The following CCDC178 variants were observed in gnomAD, a reference collection of about 807,000 sequenced individuals.
The protein encoded by CCDC178 is coiled-coil domain-containing protein 178.
Under a neutral mutation model 117.4 loss-of-function variants are expected in CCDC178, and 126 were observed. The ratio of observed to expected loss-of-function variants is 1.07; its 90% confidence interval spans 0.93 to 1.24. The LOEUF (loss-of-function observed/expected upper bound fraction) is 1.24. Among genes scored for constraint, CCDC178 ranks in the 50% most tolerant of loss-of-function variants. The pLI, the probability that CCDC178 is intolerant of heterozygous loss-of-function variation, is 0.00. For missense variants in CCDC178, 1,030 were observed against 986.9 expected (o/e 1.04, Z -0.59); for synonymous variants, 283 against 313.4 (o/e 0.90, Z 1.02).
chr18:33,343,119 T>TC (rs1230963187), intron 9 of CCDC178, among the ~76,000 whole-genome samples: 34 of 152,200 alleles, frequency 2.2e-4, no homozygotes, highest in Admixed American at 1.8e-3. Context: ...ATTTTTTTTT[T>TC]CCTCTTTCAT....
intron 20 of CCDC178, among the ~76,000 whole-genome samples, chr18:33,209,318 T>G (rs928962330): frequency 6.6e-6 from 1 of 152,036 alleles, no homozygotes; most frequent in African/African-American, 2.4e-5. Context: ...AGTTTGTGTA[T>G]ATTTTCTTAC....
chr18:33,032,591 AT>A (rs2056364175), intron 21 of CCDC178, among the ~76,000 whole-genome samples: 1 of 152,102 alleles, frequency 6.6e-6, no homozygotes, highest in Admixed American at 6.6e-5. Flanking sequence ...AGGTGCTAGT[AT>A]AGGTTGTTAG....
At chr18:33,310,734 A>T (rs535799382) in intron 11 of CCDC178, among the ~76,000 whole-genome samples, 1 of 152,328 alleles carries the variant, frequency 6.6e-6, no homozygotes, top group Non-Finnish European at 1.5e-5. Context: ...CCTATGTTAA[A>T]ATAATATTTT....
chr18:33,178,329 C>A (rs1404196078), intron 20 of CCDC178, among the ~76,000 whole-genome samples: 1 of 152,122 alleles, frequency 6.6e-6, no homozygotes, highest in Non-Finnish European at 1.5e-5. Flanking sequence ...CATTAATTTT[C>A]TCTCAAAATG....
chr18:33,341,813 T>A (rs2062820920), intron 9 of CCDC178, among the ~76,000 whole-genome samples: 1 of 152,170 alleles, frequency 6.6e-6, no homozygotes, highest in African/African-American at 2.4e-5. Context: ...CTCAGGTATG[T>A]CTTTATCAGC....
intron 21 of CCDC178, among the ~76,000 whole-genome samples, chr18:33,031,389 G>A (rs1166210509): frequency 6.6e-6 from 1 of 151,702 alleles, no homozygotes; most frequent in Non-Finnish European, 1.5e-5. Flanking sequence ...TAGGAATACA[G>A]GTGCATACCC....
At chr18:32,970,537 A>G (rs1436392279) in intron 22 of CCDC178, among the ~76,000 whole-genome samples, 1 of 152,018 alleles carries the variant, frequency 6.6e-6, no homozygotes, top group East Asian at 1.9e-4. Flanking sequence ...CAGGAAAATG[A>G]AAACCAATAG....
chr18:33,171,628 C>T (rs1006253299), intron 20 of CCDC178, among the ~76,000 whole-genome samples: 1 of 152,144 alleles, frequency 6.6e-6, no homozygotes, highest in Admixed American at 6.6e-5. Context: ...ATTGCCTGTG[C>T]TGTAAATTAT....
chr18:33,085,559 T>C (rs2057367619), intron 21 of CCDC178, among the ~76,000 whole-genome samples: 1 of 152,018 alleles, frequency 6.6e-6, no homozygotes, highest in African/African-American at 2.4e-5. Context: ...AGAGATTCCG[T>C]CTCAAAAAAA....
chr18:33,009,432 C>A (rs2055817789), intron 21 of CCDC178, among the ~76,000 whole-genome samples: 1 of 152,070 alleles, frequency 6.6e-6, no homozygotes, highest in South Asian at 2.1e-4. Flanking sequence ...TTTACACTGG[C>A]CCGGTGTTAC....
chr18:33,190,140 A>G (rs1442336384), intron 20 of CCDC178, among the ~76,000 whole-genome samples: 1 of 152,162 alleles, frequency 6.6e-6, no homozygotes, highest in Non-Finnish European at 1.5e-5. Context: ...GTTCTACTTC[A>G]GTGGCTGGAT....
chr18:33,417,245 G>C (rs1355776647), intron 2 of CCDC178, among the ~76,000 whole-genome samples: 1 of 151,962 alleles, frequency 6.6e-6, no homozygotes, highest in South Asian at 2.1e-4. Flanking sequence ...CCATACAATG[G>C]AATACAATCC....
At chr18:33,424,337 C>T (rs538963386) in intron 2 of CCDC178, among the ~76,000 whole-genome samples, 16 of 152,236 alleles carry the variant, frequency 1.1e-4, no homozygotes, top group African/African-American at 3.4e-4. Context: ...CAGCTTTACA[C>T]CTATAATATA....
intron 21 of CCDC178, among the ~76,000 whole-genome samples, chr18:33,055,033 T>C (rs1242571227): frequency 6.6e-6 from 1 of 152,228 alleles, no homozygotes; most frequent in Non-Finnish European, 1.5e-5. Flanking sequence ...TGATCAGAGA[T>C]GTCGAGCATT....
intron 18 of CCDC178, 113 bp downstream of exon 18, chr18:33,222,993 T>G (rs2059256167): frequency 1.4e-6 from 1 of 737,568 alleles, no homozygotes. Context: ...GTCGATTTAG[T>G]GCAATCAATA....
At position 33,218,384 on chromosome 18, in the gene CCDC178, C is replaced by T. The variant is rs376988532; in HGVS notation, c.1933-2689G>A. On this transcript the variant is annotated intron_variant, in intron 18 of 22. Transcript: ENST00000383096. ...TCAGATGGGTAGATTGTAAAAATTT[C>T]CTCCCATTCTGTAGGTTGCCTGTTC... 3.2e-3 allele frequency among the ~76,000 whole-genome samples: 491 copies of T among 151,902 alleles called. 3 individuals carry two copies. Among genetic ancestry groups the T allele is most frequent in the African/African-American group, 0.011 (466 of 41,478 alleles).
At chr18:33,207,963 T>C (rs181672617) in intron 20 of CCDC178, among the ~76,000 whole-genome samples, 31 of 152,172 alleles carry the variant, frequency 2.0e-4, no homozygotes, top group Middle Eastern at 3.4e-3. Flanking sequence ...TGTTAAGTAC[T>C]TGTGATCATT....
chr18:33,055,112 T>C (rs1452704976), intron 21 of CCDC178, among the ~76,000 whole-genome samples: 1 of 152,184 alleles, frequency 6.6e-6, no homozygotes, highest in Non-Finnish European at 1.5e-5. Context: ...TTGCCTACTT[T>C]TTAATGCTTT....
chr18:33,216,380 G>A (rs1047653895), intron 18 of CCDC178, among the ~76,000 whole-genome samples: 3 of 152,060 alleles, frequency 2.0e-5, no homozygotes, highest in African/African-American at 7.2e-5. Context: ...TGGTAGGCCT[G>A]TGCAATTCCA....
Sources: allele counts gnomAD v4.1 joint callset (sites outside exome capture counted in the v4.1 genomes callset), GRCh38; gene constraint gnomAD v4.1.1; transcripts MANE v1.5; gene names NCBI Gene and HGNC (gene_info 2026-07-23, HGNC 2026-07-21).